Variants in DCUN1D1 observed in about 807,000 individuals in gnomAD.
DCUN1D1 encodes DCN1-like protein 1.
Under a neutral mutation model 39.0 loss-of-function variants are expected in DCUN1D1, and 3 were observed. The observed-to-expected ratio is 0.08, with a 90% CI of 0.04 to 0.20. The LOEUF is 0.20. Among genes scored for constraint, DCUN1D1 ranks in the 10% least tolerant of loss-of-function variants. The pLI is 1.00. For missense variants in DCUN1D1, 158 were observed against 302.4 expected, an observed-to-expected ratio of 0.52 and a Z score of 3.54; for synonymous variants, 82 against 96.3, an observed-to-expected ratio of 0.85 and a Z score of 0.87.
chr3:182,943,181 A>C lies in DCUN1D1; in HGVS notation c.*1913T>G, dbSNP rs1164033363. The C allele has an allele frequency of 2.0e-5, 3 of 147,406 alleles. No homozygotes were observed. The highest frequency in any genetic ancestry group is 6.8e-5 in the Admixed American group (1 of 14,806). 9.1% of individuals were successfully genotyped at this position (147,406 alleles called of 1,614,324 possible). A position where few individuals can be genotyped will look rare whatever the true frequency, so the allele number is the denominator to read the frequency against. ...AAAACACAGCATATGTGAATTAATC[A>C]ATCTGAAACCAATAACCATAACTCA... is the stretch of plus-strand genomic sequence containing the variant. On this transcript the variant is annotated 3_prime_UTR_variant, in exon 7 of 7. Coordinates refer to ENST00000292782, the MANE Select transcript of DCUN1D1 (RefSeq NM_020640.4).
intron 1 of DCUN1D1, among the ~76,000 whole-genome samples, chr3:182,979,156 A>G (rs1187095534): frequency 1.3e-5 from 2 of 152,256 alleles, no homozygotes; most frequent in Non-Finnish European, 2.9e-5. Flanking sequence ...TAATCTATAC[A>G]TTAACCTGCA....
In DCUN1D1 at chr3:182,963,847, CA is replaced by C. The variant is rs775512550; in HGVS notation, c.389+33del. 3 of 1,498,250 alleles carry C rather than the reference CA, an allele frequency of 2.0e-6. No homozygotes were observed. In the South Asian group the frequency reaches 4.0e-5, roughly 20 times the overall value. 92.8% of individuals were successfully genotyped at this position (1,498,250 alleles called of 1,614,324 possible). A position where few individuals can be genotyped will look rare whatever the true frequency, so the allele number is the denominator to read the frequency against. Reference sequence around the variant, plus strand: ...ATGACATAATTCAGTTCCACAGTAACATATCTAATTTCCTATTGTAATTATA... The same window carrying C: ...ATGACATAATTCAGTTCCACAGTAACTATCTAATTTCCTATTGTAATTATA... On this transcript the variant is annotated intron_variant, in intron 3 of 6. Coordinates refer to ENST00000292782, the MANE Select transcript of DCUN1D1 (RefSeq NM_020640.4).
chr3:182,955,801 C>G (rs537789097), intron 4 of DCUN1D1: 17 of 264,392 alleles, frequency 6.4e-5, no homozygotes, highest in Middle Eastern at 2.8e-3. Context: ...GGCTGGTCTC[C>G]AACTCCTGAC....
At chr3:182,947,463 T>C (rs1255019363) in intron 5 of DCUN1D1, 87 bp downstream of exon 5, 2 of 1,085,620 alleles carry the variant, frequency 1.8e-6, no homozygotes, top group South Asian at 1.4e-5. Flanking sequence ...AAATTTCTCA[T>C]TCTATATCCA....
At chr3:182,964,635 C>CTTTTTTTT (rs951243180) in intron 2 of DCUN1D1, among the ~76,000 whole-genome samples, 9 of 107,474 alleles carry the variant, frequency 8.4e-5, no homozygotes, top group Admixed American at 3.1e-4. Context: ...TAACACCTTT[C>CTTTTTTTT]TTTTTTTTTT....
chr3:182,955,320 C>T (rs1577170361), intron 4 of DCUN1D1: 1 of 546,862 alleles, frequency 1.8e-6, no homozygotes, highest in African/African-American at 1.9e-5. Flanking sequence ...TCTTCTGCAG[C>T]TTCTTCTATG....
chr3:182,953,088 C>G (rs1489033481), intron 4 of DCUN1D1, among the ~76,000 whole-genome samples: 1 of 152,190 alleles, frequency 6.6e-6, no homozygotes, highest in East Asian at 1.9e-4. Context: ...AACATGCTAA[C>G]CCCTCAACCT....
At chr3:182,964,933 C>G (rs937512661) in intron 2 of DCUN1D1, among the ~76,000 whole-genome samples, 22 of 152,084 alleles carry the variant, frequency 1.4e-4, no homozygotes, top group African/African-American at 5.1e-4. Flanking sequence ...GCCACCACGC[C>G]CAGCCTTGCT....
At chr3:182,959,217 T>C (rs562582741) in intron 4 of DCUN1D1, among the ~76,000 whole-genome samples, 11 of 152,308 alleles carry the variant, frequency 7.2e-5, no homozygotes, top group Admixed American at 2.0e-4. Context: ...CCTATCTATA[T>C]TGAGCAATCA....
chr3:182,947,456 T>C, intron 5 of DCUN1D1, 94 bp downstream of exon 5: 1 of 1,090,894 alleles, frequency 9.2e-7, no homozygotes, highest in Non-Finnish European at 1.4e-6. Flanking sequence ...GGTAATCAAA[T>C]TTCTCATTCT....
chr3:182,971,630 CA>C (rs1727947160), intron 1 of DCUN1D1, among the ~76,000 whole-genome samples: 1 of 150,148 alleles, frequency 6.7e-6, no homozygotes, highest in Non-Finnish European at 1.5e-5. Context: ...TGGTAAACAA[CA>C]GCTATAATAA....
rs1553837243 is a variant in DCUN1D1 at position 182,943,113 on chromosome 3, T to TGAA, written c.*1978_*1980dup. On this transcript the variant is annotated 3_prime_UTR_variant, in exon 7 of 7. Transcript: ENST00000292782. ...GACTTTTAAAGAAAACACTTTATATTGAAAAAAAAAAAAAAAAAAAAAAGC... is the reference window on the plus strand; with the variant it reads ...GACTTTTAAAGAAAACACTTTATATTGAAGAAAAAAAAAAAAAAAAAAAAAAGC... The TGAA allele has an allele frequency of 1.9e-5, 2 of 108,024 alleles. No individual in the cohort carries two copies. Among genetic ancestry groups the TGAA allele is most frequent in the East Asian group, 2.5e-4 (1 of 3,998 alleles). The allele number at this position is 108,024 out of a possible 1,614,324, so 6.7% of individuals were successfully genotyped here. A position where few individuals can be genotyped will look rare whatever the true frequency, so the allele number is the denominator to read the frequency against.
At chr3:182,969,019 AC>A (rs1727806994) in intron 1 of DCUN1D1, among the ~76,000 whole-genome samples, 1 of 152,226 alleles carries the variant, frequency 6.6e-6, no homozygotes, top group African/African-American at 2.4e-5. Context: ...ACTGAGTTCT[AC>A]CAGGCCAAGA....
chr3:182,956,236 AT>A, intron 4 of DCUN1D1: 1 of 284,548 alleles, frequency 3.5e-6, no homozygotes, highest in Non-Finnish European at 7.1e-6. Context: ...TGAACTTGTC[AT>A]TTTTGAAGCT....
At chr3:182,951,667 A>G (rs535789444) in intron 4 of DCUN1D1, among the ~76,000 whole-genome samples, 1 of 147,692 alleles carries the variant, frequency 6.8e-6, no homozygotes, top group Admixed American at 6.7e-5. Context: ...CAAAAGAAAG[A>G]AAGTTCAGGT....
At chr3:182,950,524 T>C (rs1441010936) in intron 4 of DCUN1D1, among the ~76,000 whole-genome samples, 1 of 152,138 alleles carries the variant, frequency 6.6e-6, no homozygotes, top group Non-Finnish European at 1.5e-5. Context: ...TTTATTATTG[T>C]TATTATTATT....
intron 3 of DCUN1D1, among the ~76,000 whole-genome samples, chr3:182,962,586 T>C (rs138193466): frequency 2.0e-5 from 3 of 152,316 alleles, no homozygotes; most frequent in South Asian, 4.1e-4. Context: ...ACCCCAGATC[T>C]GAATCTCAGC....
intron 1 of DCUN1D1, among the ~76,000 whole-genome samples, chr3:182,966,559 A>C (rs904516594): frequency 4.6e-5 from 7 of 152,070 alleles, no homozygotes; most frequent in African/African-American, 1.7e-4. Flanking sequence ...CACTTGCTGC[A>C]CATTGTCAAG....
At chr3:182,977,499 C>G (rs961011225) in intron 1 of DCUN1D1, among the ~76,000 whole-genome samples, 1 of 151,968 alleles carries the variant, frequency 6.6e-6, no homozygotes, top group Non-Finnish European at 1.5e-5. Flanking sequence ...TGCAATGACG[C>G]GATCTCGGCT....
Sources: allele counts gnomAD v4.1 joint callset (sites outside exome capture counted in the v4.1 genomes callset), GRCh38; gene constraint gnomAD v4.1.1; transcripts MANE v1.5; gene names NCBI Gene and HGNC (gene_info 2026-07-23, HGNC 2026-07-21).